Variants in ARB2A observed in about 807,000 individuals in gnomAD.
ARB2A encodes the protein cotranscriptional regulator ARB2A.
the ARB2A span, among the ~76,000 whole-genome samples, chr5:94,037,399 A>T: frequency 6.6e-6 from 1 of 152,156 alleles, no homozygotes; most frequent in Non-Finnish European, 1.5e-5. Flanking sequence ...CAGTAATAAT[A>T]AGTAGACAGA....
the ARB2A span, among the ~76,000 whole-genome samples, chr5:94,051,623 C>T: frequency 3.3e-5 from 5 of 152,160 alleles, no homozygotes; most frequent in African/African-American, 1.2e-4. Context: ...GAGGACTCTA[C>T]GTGATGCATA....
chr5:93,990,455 G>C, the ARB2A span, among the ~76,000 whole-genome samples: 3 of 151,772 alleles, frequency 2.0e-5, no homozygotes, highest in South Asian at 4.2e-4. Flanking sequence ...TGTTGAGCTA[G>C]AAAGAGACTA....
chr5:93,818,201 G>C, the ARB2A span, among the ~76,000 whole-genome samples: 2 of 152,024 alleles, frequency 1.3e-5, no homozygotes, highest in Non-Finnish European at 2.9e-5. Context: ...AATAAGTGCT[G>C]ATGAGGATGT....
the ARB2A span, among the ~76,000 whole-genome samples, chr5:94,067,664 G>A: frequency 6.6e-6 from 1 of 152,082 alleles, no homozygotes; most frequent in African/African-American, 2.4e-5. Context: ...ACATTAATGA[G>A]AGAAATTGAA....
At chr5:93,766,958 A>T in the ARB2A span, among the ~76,000 whole-genome samples, 1 of 145,260 alleles carries the variant, frequency 6.9e-6, no homozygotes, top group Non-Finnish European at 1.5e-5. Context: ...CAAACACCGC[A>T]TGTTCTCACT....
At chr5:94,101,042 T>C in the ARB2A span, among the ~76,000 whole-genome samples, 58 of 152,052 alleles carry the variant, frequency 3.8e-4, no homozygotes, top group African/African-American at 1.3e-3. Context: ...ATCAGATGCA[T>C]AGTTGGCAAA....
the ARB2A span, among the ~76,000 whole-genome samples, chr5:93,652,124 C>T: frequency 6.6e-6 from 1 of 152,096 alleles, no homozygotes; most frequent in African/African-American, 2.4e-5. Flanking sequence ...CTAGTCACTT[C>T]AATTAAAACT....
chr5:93,752,297 C>T, the ARB2A span, among the ~76,000 whole-genome samples: 3 of 152,124 alleles, frequency 2.0e-5, no homozygotes, highest in Admixed American at 1.3e-4. Flanking sequence ...GCATTAAAAG[C>T]CATGAAGCTA....
chr5:93,756,582 G>A, the ARB2A span, among the ~76,000 whole-genome samples: 2 of 152,144 alleles, frequency 1.3e-5, no homozygotes, highest in Admixed American at 6.5e-5. Flanking sequence ...AGCCCAGAAC[G>A]GGGTAGACTC....
At chr5:94,028,357 A>G in the ARB2A span, among the ~76,000 whole-genome samples, 2 of 152,222 alleles carry the variant, frequency 1.3e-5, no homozygotes, top group East Asian at 3.8e-4. Flanking sequence ...CAATACAGCC[A>G]GCAGCCCTGG....
the ARB2A span, among the ~76,000 whole-genome samples, chr5:93,652,509 T>C: frequency 6.6e-6 from 1 of 152,194 alleles, no homozygotes. Flanking sequence ...TTTAGGAAAT[T>C]GGTTGACTAC....
the ARB2A span, among the ~76,000 whole-genome samples, chr5:94,035,721 C>G: frequency 6.6e-6 from 1 of 152,140 alleles, no homozygotes; most frequent in African/African-American, 2.4e-5. Flanking sequence ...ACGGGTAAAG[C>G]TGGAAACCAT....
the ARB2A span, among the ~76,000 whole-genome samples, chr5:94,015,880 A>G: frequency 1.3e-5 from 2 of 152,324 alleles, no homozygotes; most frequent in African/African-American, 2.4e-5. Flanking sequence ...TAAAGAAAAA[A>G]GCAAGAGAGG....
chr5:93,657,752 A>C, the ARB2A span, among the ~76,000 whole-genome samples: 1 of 152,170 alleles, frequency 6.6e-6, no homozygotes, highest in Non-Finnish European at 1.5e-5. Flanking sequence ...AGTGGCATTA[A>C]AATGAAATTT....
At chr5:93,970,403 T>A in the ARB2A span, among the ~76,000 whole-genome samples, 1 of 152,144 alleles carries the variant, frequency 6.6e-6, no homozygotes, top group Non-Finnish European at 1.5e-5. Flanking sequence ...AGACTAAGTA[T>A]CTGAATTAAT....
the ARB2A span, among the ~76,000 whole-genome samples, chr5:94,002,121 T>C: frequency 1.3e-5 from 2 of 152,010 alleles, no homozygotes; most frequent in Non-Finnish European, 2.9e-5. Flanking sequence ...TAGAGTTGAT[T>C]GAAGTTGACT....
At chr5:93,621,045 C>T in the ARB2A span, 1 of 1,612,098 alleles carries the variant, frequency 6.2e-7, no homozygotes, top group African/African-American at 1.3e-5. Flanking sequence ...CTTCAGGGAG[C>T]TGGTCTTGGC....
At chr5:93,808,005 A>G in the ARB2A span, among the ~76,000 whole-genome samples, 3 of 152,024 alleles carry the variant, frequency 2.0e-5, no homozygotes, top group Non-Finnish European at 4.4e-5. Context: ...GCTGCCTTGG[A>G]CAGGCCAATC....
At chr5:93,724,368 A>C in the ARB2A span, among the ~76,000 whole-genome samples, 1 of 152,052 alleles carries the variant, frequency 6.6e-6, no homozygotes, top group Non-Finnish European at 1.5e-5. Context: ...GGGGAAACAA[A>C]GTCCTGTAAC....
Sources: allele counts gnomAD v4.1 joint callset (sites outside exome capture counted in the v4.1 genomes callset), GRCh38; gene constraint gnomAD v4.1.1; transcripts MANE v1.5; gene names NCBI Gene and HGNC (gene_info 2026-07-23, HGNC 2026-07-21).